The following WDR64 variants were observed in gnomAD, a reference collection of about 807,000 sequenced individuals.
The protein encoded by WDR64 is WD repeat domain 64.
WDR64 carries 112 observed loss-of-function variants against 139.3 expected under a neutral mutation model. The ratio of observed to expected loss-of-function variants is 0.80; its 90% CI spans 0.69 to 0.94. The LOEUF (loss-of-function observed/expected upper bound fraction) is 0.94, where lower values mean the gene tolerates loss of function less well. Ranked by LOEUF, WDR64 falls within the 40% of genes least tolerant of loss-of-function variation. The pLI, the probability that WDR64 is intolerant of heterozygous loss-of-function variation, is 0.00. For missense variants in WDR64, 1,206 were observed against 1,293.1 expected, an observed-to-expected ratio of 0.93 and a Z score of 1.03; for synonymous variants, 444 against 437.7, an observed-to-expected ratio of 1.01 and a Z score of -0.18.
chr1:241,705,480 TG>T (rs1667905989), intron 8 of WDR64, among the ~76,000 whole-genome samples: 2 of 151,044 alleles, frequency 1.3e-5, no homozygotes, highest in South Asian at 4.2e-4. Context: ...AGGCGGAGCT[TG>T]CAGTGAGCCG....
chr1:241,674,756 T>G lies in WDR64; in HGVS notation c.483+9T>G, dbSNP rs2148079386. 6.7e-7 allele frequency: 1 copy of G among 1,485,972 alleles called. No individual in the cohort carries two copies. The highest frequency in any genetic ancestry group is 9.1e-7 in the Non-Finnish European group (1 of 1,095,950). 92.0% of individuals were successfully genotyped at this position (1,485,972 alleles called of 1,614,324 possible). A position where few individuals can be genotyped will look rare whatever the true frequency, so the allele number is the denominator to read the frequency against. On this transcript the variant is annotated intron_variant, in intron 4 of 27. Transcript: ENST00000437684. ...CAGTTTTTAATAACCAGGTAATTTCTTTTTCTTTTTTTAACTGAATGACTC... is the reference window on the plus strand; with the variant it reads ...CAGTTTTTAATAACCAGGTAATTTCGTTTTCTTTTTTTAACTGAATGACTC...
intron 2 of WDR64, among the ~76,000 whole-genome samples, chr1:241,663,600 C>T (rs1378088611): frequency 6.6e-6 from 1 of 152,190 alleles, no homozygotes; most frequent in East Asian, 1.9e-4. Flanking sequence ...GTTATGGACC[C>T]CTGGTAGACG....
chr1:241,701,733 A>C (rs552167254), intron 8 of WDR64, among the ~76,000 whole-genome samples: 3 of 152,308 alleles, frequency 2.0e-5, no homozygotes, highest in African/African-American at 7.2e-5. Context: ...TCCTAAATCT[A>C]GAAGCTGAAG....
intron 23 of WDR64, among the ~76,000 whole-genome samples, chr1:241,785,750 C>T (rs145867360): frequency 1.1e-4 from 17 of 152,302 alleles, no homozygotes; most frequent in Admixed American, 5.9e-4. Flanking sequence ...GCAGTTTCAA[C>T]GTTCTAAATC....
intron 14 of WDR64, among the ~76,000 whole-genome samples, chr1:241,755,822 C>A (rs994456347): frequency 6.6e-6 from 1 of 152,158 alleles, no homozygotes; most frequent in East Asian, 1.9e-4. Context: ...ATAGGGAATC[C>A]TTTCCCCATT....
At position 241,794,415 on chromosome 1, in the gene WDR64, C is replaced by T. The variant is rs1407424044; in HGVS notation, c.2998-792C>T. The stretch of plus-strand genomic sequence containing the variant: ...CATTTTTTAAGTAACTTAACTGAAA[C>T]ACTAAGTAAATTTGGAGAAATCTTT... On this transcript the variant is annotated intron_variant, in intron 25 of 27. Coordinates refer to ENST00000437684, the MANE Select transcript of WDR64 (RefSeq NM_001367482.1). Among the ~76,000 whole-genome samples the T allele has an allele frequency of 3.3e-5, 5 of 150,762 alleles. No individual in the cohort carries two copies. The East Asian group carries it at 9.7e-4, about 29-fold the overall frequency.
At chr1:241,742,438 G>C (rs971627386) in intron 12 of WDR64, among the ~76,000 whole-genome samples, 2 of 152,204 alleles carry the variant, frequency 1.3e-5, no homozygotes, top group Non-Finnish European at 2.9e-5. Context: ...ACGAGTTGCA[G>C]TAAAGAAGCC....
intron 9 of WDR64, among the ~76,000 whole-genome samples, chr1:241,717,472 G>A (rs1438263904): frequency 1.3e-5 from 2 of 151,892 alleles, no homozygotes; most frequent in Non-Finnish European, 2.9e-5. Flanking sequence ...CTGCTTTTTT[G>A]TGTGAACTAA....
chr1:241,675,104 C>T (rs111206200), intron 4 of WDR64, among the ~76,000 whole-genome samples: 39 of 121,234 alleles, frequency 3.2e-4, no homozygotes, highest in African/African-American at 5.7e-4. Flanking sequence ...CTCCCTCCCT[C>T]CTTCCTTCCT....
rs974924182 is a variant in WDR64, at chr1:241,783,279, A to G, written c.2603A>G (p.Lys868Arg). 1.2e-6 allele frequency: 2 copies of G among 1,613,398 alleles called. No individual in the cohort carries two copies. Among genetic ancestry groups the G allele is most frequent in the African/African-American group, 1.3e-5 (1 of 75,032 alleles). The stretch of plus-strand genomic sequence containing the variant: ...CTTGTTTTTGCTATCTAGAAATTCA[A>G]GCAGCTGCTTTCCTGGCGTGCTCAT... ...LDPPHDEKKFKQLLSWRAHSL... is the reference protein window; with the variant it reads ...LDPPHDEKKFRQLLSWRAHSL... The change falls in exon 23 of 28, where the codon AAG becomes AGG. Residue 868 changes from lysine to arginine, a missense_variant. Physicochemically the swap from Lys to Arg is conservative, Grantham distance 26. Transcript: ENST00000437684.
chr1:241,658,116 G>A (rs1417450749), intron 1 of WDR64, among the ~76,000 whole-genome samples: 1 of 152,114 alleles, frequency 6.6e-6, no homozygotes. Flanking sequence ...CCCAATGTCT[G>A]GCTCAGTTCT....
At chr1:241,679,869 A>G (rs1027232448) in intron 6 of WDR64, among the ~76,000 whole-genome samples, 28 of 152,156 alleles carry the variant, frequency 1.8e-4, no homozygotes, top group African/African-American at 6.8e-4. Flanking sequence ...CTCTGAATCC[A>G]AGTATTATCT....
rs1667832541 is a variant in WDR64 at position 241,703,835 on chromosome 1, C to A, written c.975-7967C>A. ...GCGGAAGGTGAAAGGGAAGCAAGGACCTTCTTCACATGATGGCAGGAGAGA... is the reference window on the plus strand; with the variant it reads ...GCGGAAGGTGAAAGGGAAGCAAGGAACTTCTTCACATGATGGCAGGAGAGA... On this transcript the variant is annotated intron_variant, in intron 8 of 27. Coordinates refer to ENST00000437684, the MANE Select transcript of WDR64 (RefSeq NM_001367482.1). This position sits in a 1 kb window ranked among gnomAD's most constrained non-coding sequence, Gnocchi z 5.9. Among the ~76,000 whole-genome samples the A allele has an allele frequency of 6.6e-6, 1 of 152,104 alleles. No homozygotes were observed. Among genetic ancestry groups the A allele is most frequent in the South Asian group, 2.1e-4 (1 of 4,822 alleles).
At chr1:241,788,776 C>T (rs1574098336) in intron 24 of WDR64, among the ~76,000 whole-genome samples, 1 of 152,130 alleles carries the variant, frequency 6.6e-6, no homozygotes, top group African/African-American at 2.4e-5. Context: ...CAGGTGACCC[C>T]ATCAGAGTGT....
intron 14 of WDR64, among the ~76,000 whole-genome samples, chr1:241,752,637 G>A (rs574701090): frequency 6.6e-6 from 1 of 152,252 alleles, no homozygotes; most frequent in South Asian, 2.1e-4. Flanking sequence ...ATAGCTTGAG[G>A]TTAGGAGTTT....
At chr1:241,722,516 A>G (rs924778337) in intron 9 of WDR64, among the ~76,000 whole-genome samples, 9 of 152,198 alleles carry the variant, frequency 5.9e-5, no homozygotes, top group Non-Finnish European at 1.2e-4. Context: ...AAAAAACTAG[A>G]ATTAGTGGAC....
intron 8 of WDR64, among the ~76,000 whole-genome samples, chr1:241,696,890 C>G (rs1007576636): frequency 6.6e-6 from 1 of 152,156 alleles, no homozygotes; most frequent in Admixed American, 6.5e-5. Context: ...TGTAGCCCAG[C>G]AGGACTCAGC....
At chr1:241,765,576 A>C (rs1457928144) in intron 15 of WDR64, among the ~76,000 whole-genome samples, 1 of 152,164 alleles carries the variant, frequency 6.6e-6, no homozygotes, top group Non-Finnish European at 1.5e-5. Context: ...GTGGTAATTG[A>C]CAGTGGTAAT....
intron 11 of WDR64, among the ~76,000 whole-genome samples, chr1:241,741,249 A>G (rs1669528484): frequency 6.6e-6 from 1 of 152,252 alleles, no homozygotes; most frequent in South Asian, 2.1e-4. Context: ...ACTAAAAAGG[A>G]TATCAATGAA....
Sources: allele counts gnomAD v4.1 joint callset (sites outside exome capture counted in the v4.1 genomes callset), GRCh38; gene constraint gnomAD v4.1.1; non-coding constraint Gnocchi (gnomAD v3.1); transcripts MANE v1.5; gene names NCBI Gene and HGNC (gene_info 2026-07-23, HGNC 2026-07-21).